FAM193A: variants seen among roughly 807,000 people sequenced by gnomAD.
The protein encoded by FAM193A is family with sequence similarity 193 member A.
In FAM193A, 22 loss-of-function variants were observed where a neutral mutation model predicts 126.5. The ratio of observed to expected loss-of-function variants is 0.17; its 90% CI spans 0.12 to 0.25. The LOEUF (loss-of-function observed/expected upper bound fraction) is 0.25, where lower values mean the gene tolerates loss of function less well. Among genes scored for constraint, FAM193A ranks in the 10% least tolerant of loss-of-function variants. The pLI, the probability that FAM193A is intolerant of heterozygous loss-of-function variation, is 1.00. For synonymous variants in FAM193A, 761 were observed against 646.8 expected (o/e 1.18, Z -2.68); for missense variants, 1,675 against 1,672.8 (o/e 1.00, Z -0.02).
chr4:2,721,791 T>C (rs966682041), intron 20 of FAM193A, among the ~76,000 whole-genome samples: 2 of 152,190 alleles, frequency 1.3e-5, no homozygotes, highest in Non-Finnish European at 2.9e-5. Flanking sequence ...AGCTGCACAC[T>C]TGTGTGCACG....
intron 8 of FAM193A, 87 bp from the exon 9 acceptor site, chr4:2,659,471 T>C: frequency 1.1e-6 from 1 of 911,996 alleles, no homozygotes; most frequent in Non-Finnish European, 1.8e-6. Flanking sequence ...GTGAACATGA[T>C]ACATGTCAGC....
chr4:2,609,422 T>A, intron 2 of FAM193A, among the ~76,000 whole-genome samples: 1 of 152,106 alleles, frequency 6.6e-6, no homozygotes, highest in East Asian at 1.9e-4. Flanking sequence ...CGGCAAGTAG[T>A]CTTAAGTTTC....
chr4:2,614,919 C>T (rs1187458524), intron 2 of FAM193A, among the ~76,000 whole-genome samples: 1 of 152,196 alleles, frequency 6.6e-6, no homozygotes, highest in South Asian at 2.1e-4. Context: ...TCCATAGGAT[C>T]TCTAGTGATT....
At chr4:2,637,204 G>A (rs1744168467) in intron 5 of FAM193A, among the ~76,000 whole-genome samples, 1 of 152,136 alleles carries the variant, frequency 6.6e-6, no homozygotes, top group Non-Finnish European at 1.5e-5. Flanking sequence ...GTGTACACCT[G>A]TAGTCCCAGC....
chr4:2,715,776 A>G (rs1416356990), intron 19 of FAM193A, among the ~76,000 whole-genome samples: 4 of 152,174 alleles, frequency 2.6e-5, no homozygotes, highest in African/African-American at 9.7e-5. Context: ...TCTGGCAAAC[A>G]TGTCTTCTAA....
At position 2,695,126 on chromosome 4, in the gene FAM193A, C is replaced by T. The variant is rs1716886616; in HGVS notation, c.3273C>T (p.Gly1091=). The change falls in exon 17 of 21, where the codon GGC becomes GGT. Residue 1091 remains glycine, a synonymous_variant. Coordinates refer to ENST00000637812, the MANE Select transcript of FAM193A (RefSeq NM_001366318.2). The part of the protein sequence containing the change: ...DCCYCEFFGH[G]GPPAAPTSRN... ...GCTACTGCGAATTCTTTGGGCACGG[C>T]GGGGTGAGTGCATGAGGTCAGCGCA... 1.9e-6 allele frequency: 3 copies of T among 1,594,756 alleles called. No individual in the cohort carries two copies. Among genetic ancestry groups the T allele is most frequent in the African/African-American group, 1.3e-5 (1 of 74,284 alleles).
Position 2,699,921 on chromosome 4 carries a change from CAG to C in FAM193A, c.3752_3753del (p.Glu1251ValfsTer4). 6.2e-7 allele frequency: 1 copy of C among 1,614,082 alleles called. No individual in the cohort carries two copies. The highest frequency in any genetic ancestry group is 8.5e-7 in the Non-Finnish European group (1 of 1,180,020). On this transcript the variant is annotated frameshift_variant, in exon 19 of 21. Coordinates refer to ENST00000637812, the MANE Select transcript of FAM193A (RefSeq NM_001366318.2). LOFTEE classifies it high-confidence loss of function. ...CTCACTAGAAATTTCCAGGCAGCAACAGAGTCTGTTCCTAACTCTGGAAACAT... is the reference window on the plus strand; with the variant it reads ...CTCACTAGAAATTTCCAGGCAGCAACAGTCTGTTCCTAACTCTGGAAACAT...
chr4:2,641,348 G>T (rs1744602349), intron 6 of FAM193A, among the ~76,000 whole-genome samples: 1 of 151,884 alleles, frequency 6.6e-6, no homozygotes, highest in Non-Finnish European at 1.5e-5. Flanking sequence ...TGCCCAATCT[G>T]CTTTTTTTCT....
chr4:2,710,167 T>TG lies in FAM193A; in HGVS notation c.4373-5856_4373-5855insG, dbSNP rs1438577605. ...GGTTTACTGTTCTTCTTTTGTTTTT[T>TG]TTTTTTTTTCTTTTTTTTTTTTTTT... On this transcript the variant is annotated intron_variant, in intron 19 of 20. Transcript: ENST00000637812. Among the ~76,000 whole-genome samples, 302 of 125,178 alleles carry TG rather than the reference T, an allele frequency of 2.4e-3. 1 individual carries two copies. The highest frequency in any genetic ancestry group is 9.8e-3 in the African/African-American group (259 of 26,558). The allele number at this position is 125,178 out of a possible 152,430, so 82.1% of individuals were successfully genotyped here.
At chr4:2,700,887 C>T (rs1717647156) in intron 19 of FAM193A, among the ~76,000 whole-genome samples, 1 of 152,122 alleles carries the variant, frequency 6.6e-6, no homozygotes, top group Admixed American at 6.5e-5. Context: ...ATCGCTTGAA[C>T]CCAGGAGGCA....
chr4:2,714,480 G>A (rs1210646486), intron 19 of FAM193A, among the ~76,000 whole-genome samples: 3 of 151,984 alleles, frequency 2.0e-5, no homozygotes, highest in Non-Finnish European at 4.4e-5. Flanking sequence ...GCCTTTCCCT[G>A]AACACACCCA....
intron 7 of FAM193A, among the ~76,000 whole-genome samples, 155 bp from the exon 8 acceptor site, chr4:2,657,648 A>C (rs1711871826): frequency 6.6e-6 from 1 of 152,238 alleles, no homozygotes; most frequent in Non-Finnish European, 1.5e-5. Flanking sequence ...AATACCTGTT[A>C]ACATATTTGT....
intron 7 of FAM193A, among the ~76,000 whole-genome samples, chr4:2,652,519 G>A (rs1049169943): frequency 6.6e-6 from 1 of 152,208 alleles, no homozygotes; most frequent in Non-Finnish European, 1.5e-5. Flanking sequence ...CATGGTGGAA[G>A]GTGAAGGGGA....
chr4:2,543,265 T>G (rs1737343842), intron 1 of FAM193A, among the ~76,000 whole-genome samples: 1 of 151,922 alleles, frequency 6.6e-6, no homozygotes, highest in Admixed American at 6.6e-5. Flanking sequence ...TTTTTTGTAT[T>G]TTTAGTAGAG....
chr4:2,554,133 G>A (rs1388193239), intron 1 of FAM193A, among the ~76,000 whole-genome samples: 1 of 152,012 alleles, frequency 6.6e-6, no homozygotes, highest in Non-Finnish European at 1.5e-5. Context: ...CACCCAGGCT[G>A]GAGTGCAGTG....
chr4:2,683,506 C>G lies in FAM193A; in HGVS notation c.2332-6000C>G, dbSNP rs900769786. 3.3e-5 allele frequency among the ~76,000 whole-genome samples: 5 copies of G among 152,172 alleles called. No homozygotes were observed. In the East Asian group the frequency reaches 9.7e-4, roughly 29 times the overall value. On this transcript the variant is annotated intron_variant, in intron 13 of 20. Coordinates refer to ENST00000637812, the MANE Select transcript of FAM193A (RefSeq NM_001366318.2). ...ATGAGGTTTCACCATGTTGGCCAGG[C>G]TGGTCTTGAACCCCTGACCTCAGGT...
At chr4:2,579,173 G>A (rs534345015) in intron 1 of FAM193A, among the ~76,000 whole-genome samples, 43 of 150,388 alleles carry the variant, frequency 2.9e-4, no homozygotes, top group African/African-American at 9.4e-4. Flanking sequence ...AGCAGTATAC[G>A]TTTTAAATTA....
intron 6 of FAM193A, among the ~76,000 whole-genome samples, chr4:2,643,112 A>G (rs1744799216): frequency 6.6e-6 from 1 of 152,142 alleles, no homozygotes; most frequent in Non-Finnish European, 1.5e-5. Flanking sequence ...GGATAAACAC[A>G]GACAGGGACA....
At chr4:2,637,611 C>T (rs1744215603) in intron 5 of FAM193A, among the ~76,000 whole-genome samples, 1 of 152,202 alleles carries the variant, frequency 6.6e-6, no homozygotes, top group Non-Finnish European at 1.5e-5. Flanking sequence ...GCCCTTAGGT[C>T]ACTGACAAGC....
Sources: gnomAD v4.1 joint callset for allele counts (sites outside exome capture counted in the v4.1 genomes callset) on GRCh38, gnomAD v4.1.1 for gene constraint, MANE v1.5 for transcripts, NCBI Gene and HGNC (gene_info 2026-07-23, HGNC 2026-07-21) for gene names.